Variants in MROH2B observed in about 807,000 individuals in gnomAD.
MROH2B encodes the protein maestro heat-like repeat-containing protein family member 2B.
In MROH2B, 177 loss-of-function variants were observed where a neutral mutation model predicts 208.6. That is an observed-to-expected ratio of 0.85 (90% CI 0.75 to 0.96). The LOEUF is 0.96. Among genes scored for constraint, MROH2B ranks in the 40% least tolerant of loss-of-function variants. MROH2B has a pLI of 0.00. For missense variants in MROH2B, 2,002 were observed against 1,878.7 expected (o/e 1.07, Z -1.21); for synonymous variants, 728 against 659.0 (o/e 1.10, Z -1.60).
Position 41,007,406 on chromosome 5 carries a change from T to C in MROH2B, c.3657A>G (p.Glu1219=). The C allele has an allele frequency of 1.3e-6, 2 of 1,572,118 alleles. No homozygotes were observed. The highest frequency in any genetic ancestry group is 1.7e-6 in the Non-Finnish European group (2 of 1,157,770). ...CCTCATCAGATTCCTTTGCAAGGCC[T>C]TCTCTCATGGCTTGGGCTTGCAAAC... ...LKCLQAQAMR[E]GLAKESDEGD... The change falls in exon 34 of 42, where the codon GAA becomes GAG. Residue 1219 remains glutamate, a synonymous_variant. Transcript: ENST00000399564.
chr5:41,055,846 T>C lies in MROH2B; in HGVS notation c.929A>G (p.Asn310Ser), dbSNP rs1244045719. Residue 310 changes from asparagine (N) to serine (S), a missense_variant, in exon 10 of 42, where the codon AAT becomes AGT. By Grantham distance (46) the Asn-to-Ser change is conservative (BLOSUM62 1). Transcript: ENST00000399564. ...SSCFLILAHS[N>S]PGELMEFFDE... ...AAAAAATTCCATCAGCTCTCCAGGA[T>C]TGGAATGGGCTGCAGGTTCAAGAAA... 2.2e-5 allele frequency: 35 copies of C among 1,612,734 alleles called. No homozygotes were observed. The highest frequency in any genetic ancestry group is 3.3e-5 in the Admixed American group (2 of 60,008).
intron 28 of MROH2B, among the ~76,000 whole-genome samples, chr5:41,015,968 A>G (rs1741935225): frequency 6.6e-6 from 1 of 152,246 alleles, no homozygotes; most frequent in African/African-American, 2.4e-5. Flanking sequence ...GTTGATATCA[A>G]TTTATAAATG....
chr5:41,026,970 A>T (rs530076491), intron 24 of MROH2B, among the ~76,000 whole-genome samples: 1 of 152,342 alleles, frequency 6.6e-6, no homozygotes, highest in South Asian at 2.1e-4. Context: ...GATGTTGGGA[A>T]AACTGGCTAG....
chr5:41,008,910 G>A, intron 32 of MROH2B, 117 bp from the exon 33 acceptor site: 1 of 1,085,416 alleles, frequency 9.2e-7, no homozygotes, highest in Non-Finnish European at 1.3e-6. Flanking sequence ...GAAAAGGGAG[G>A]GTTTATTGTC....
At chr5:41,003,644 G>T (rs1741478116) in intron 37 of MROH2B, among the ~76,000 whole-genome samples, 2 of 152,154 alleles carry the variant, frequency 1.3e-5, no homozygotes, top group African/African-American at 2.4e-5. Context: ...TCTCAAGTCT[G>T]CAGACTGTAA....
chr5:41,008,408 T>C (rs922325957), intron 33 of MROH2B, among the ~76,000 whole-genome samples, 198 bp downstream of exon 33: 1 of 152,202 alleles, frequency 6.6e-6, no homozygotes, highest in Non-Finnish European at 1.5e-5. Context: ...AAGTGACTAT[T>C]CTGTGTAGCT....
chr5:41,046,870 A>T (rs1489461618), intron 17 of MROH2B, among the ~76,000 whole-genome samples: 1 of 152,144 alleles, frequency 6.6e-6, no homozygotes, highest in Non-Finnish European at 1.5e-5. Context: ...GGACCAGGAG[A>T]GTAGAGCAGT....
chr5:41,007,264 T>A, intron 34 of MROH2B, 50 bp downstream of exon 34: 1 of 1,374,588 alleles, frequency 7.3e-7, no homozygotes, highest in Non-Finnish European at 9.5e-7. Context: ...GTTTGTTTGT[T>A]TGTTTTTGTT....
chr5:41,030,630 A>C (rs1742535259), intron 24 of MROH2B, among the ~76,000 whole-genome samples: 1 of 152,108 alleles, frequency 6.6e-6, no homozygotes, highest in Admixed American at 6.6e-5. Context: ...CAATACTAAA[A>C]TTCATATGGA....
At position 41,045,739 on chromosome 5, in the gene MROH2B, A is replaced by T. The variant is rs1157869363; in HGVS notation, c.1836+7T>A. On this transcript the variant is annotated splice_region_variant and intron_variant, in intron 18 of 41. Coordinates refer to ENST00000399564, the MANE Select transcript of MROH2B (RefSeq NM_173489.5). ...AGCTAAGGTTTCCCCTCAGCTGAAA[A>T]ACCAACCTTCTCAGTGGAGTTATTG... 2 of 1,612,454 alleles carry T rather than the reference A, an allele frequency of 1.2e-6. No homozygotes were observed. Among genetic ancestry groups the T allele is most frequent in the Non-Finnish European group, 1.7e-6 (2 of 1,178,758 alleles).
At chr5:41,042,517 T>G (rs1055217692) in intron 18 of MROH2B, among the ~76,000 whole-genome samples, 1 of 152,242 alleles carries the variant, frequency 6.6e-6, no homozygotes, top group African/African-American at 2.4e-5. Context: ...GAGGGTCTTA[T>G]TCATTATTTC....
At chr5:41,021,205 A>C (rs1213180027) in intron 24 of MROH2B, among the ~76,000 whole-genome samples, 1 of 152,234 alleles carries the variant, frequency 6.6e-6, no homozygotes. Context: ...TTACAGCAGC[A>C]TCAAAAAGAA....
chr5:41,033,936 G>C, intron 21 of MROH2B, 72 bp from the exon 22 acceptor site: 1 of 1,475,142 alleles, frequency 6.8e-7, no homozygotes, highest in South Asian at 1.2e-5. Flanking sequence ...CCAACAAAAG[G>C]ACTCACCCAT....
intron 24 of MROH2B, among the ~76,000 whole-genome samples, chr5:41,027,079 A>G (rs1455560451): frequency 6.6e-6 from 1 of 152,244 alleles, no homozygotes; most frequent in East Asian, 1.9e-4. Flanking sequence ...TAAAACCATA[A>G]AAACCCTAGA....
At chr5:41,060,600 C>A (rs1743605144) in intron 6 of MROH2B, among the ~76,000 whole-genome samples, 4 of 152,198 alleles carry the variant, frequency 2.6e-5, no homozygotes. Flanking sequence ...TGGTGAGCAG[C>A]TTCATGGGCT....
Position 41,010,030 on chromosome 5 carries a change from T to C in MROH2B, c.3185A>G (p.Gln1062Arg), listed in dbSNP as rs1313796949. 1 of 1,613,802 alleles carries C rather than the reference T, an allele frequency of 6.2e-7. No individual in the cohort carries two copies. Among genetic ancestry groups the C allele is most frequent in the Admixed American group, 1.7e-5 (1 of 59,978 alleles). The change falls in exon 31 of 42, where the codon CAA becomes CGA. Residue 1062 changes from glutamine (Q) to arginine (R), a missense_variant. By Grantham distance (43) the Gln-to-Arg change is conservative. Coordinates refer to ENST00000399564, the MANE Select transcript of MROH2B (RefSeq NM_173489.5). Reference sequence around the variant, plus strand: ...AATGAACTGAAAACTTTCTTCTTTTTGTCTGAGGACTGGCATGTGATGGTA... The same window carrying C: ...AATGAACTGAAAACTTTCTTCTTTTCGTCTGAGGACTGGCATGTGATGGTA... ...TIYHHMPVLR[Q>R]KEESFQFILE...
At position 40,999,484 on chromosome 5, in the gene MROH2B, A is replaced by G. The variant is rs181620711; in HGVS notation, c.4585+193T>C. ...TGTAGGTGAGTCAGGAGAGGTTATG[A>G]GTTTTCACTGCAAAAGGAAGCAGGT... is the stretch of plus-strand genomic sequence containing the variant. On this transcript the variant is annotated intron_variant, in intron 40 of 41. Coordinates refer to ENST00000399564, the MANE Select transcript of MROH2B (RefSeq NM_173489.5). 2.5e-4 allele frequency among the ~76,000 whole-genome samples: 38 copies of G among 152,328 alleles called. 1 individual carries two copies. In the East Asian group the frequency reaches 7.3e-3, roughly 29 times the overall value.
At chr5:41,064,375 A>G (rs1743732981) in intron 5 of MROH2B, 97 bp downstream of exon 5, 5 of 964,720 alleles carry the variant, frequency 5.2e-6, no homozygotes, top group South Asian at 1.6e-5. Flanking sequence ...TCAAAAGGAC[A>G]AGATTGGAGT....
At chr5:41,036,223 T>G (rs894840048) in intron 21 of MROH2B, among the ~76,000 whole-genome samples, 14 of 152,082 alleles carry the variant, frequency 9.2e-5, no homozygotes, top group African/African-American at 3.4e-4. Context: ...CCATATGTTG[T>G]GGAAGGGACT....
Sources: gnomAD v4.1 joint callset for allele counts (sites outside exome capture counted in the v4.1 genomes callset) on GRCh38, gnomAD v4.1.1 for gene constraint, MANE v1.5 for transcripts, NCBI Gene and HGNC (gene_info 2026-07-23, HGNC 2026-07-21) for gene names.